Variants in PPP2R2C observed in about 807,000 individuals in gnomAD.
PPP2R2C encodes protein phosphatase 2, regulatory subunit B, gamma.
A neutral mutation model predicts 45.3 loss-of-function variants in PPP2R2C; 10 were observed. The observed-to-expected ratio is 0.22, with a 90% CI of 0.14 to 0.37. The LOEUF is 0.37. Ranked by LOEUF, PPP2R2C falls within the 10% of genes least tolerant of loss-of-function variation. The pLI is 1.00. For missense variants in PPP2R2C, 308 were observed against 619.7 expected (o/e 0.50, Z 5.34); for synonymous variants, 257 against 245.4 (o/e 1.05, Z -0.44).
intron 8 of PPP2R2C, among the ~76,000 whole-genome samples, chr4:6,327,274 G>A (rs866454191): frequency 1.3e-5 from 2 of 152,242 alleles, no homozygotes; most frequent in Non-Finnish European, 2.9e-5. Context: ...GCTGTGGAGC[G>A]AGAGACAGTG....
At chr4:6,334,846 C>T (rs1477396112) in intron 6 of PPP2R2C, among the ~76,000 whole-genome samples, 1 of 152,212 alleles carries the variant, frequency 6.6e-6, no homozygotes, top group Non-Finnish European at 1.5e-5. Flanking sequence ...GATCACAGCA[C>T]CCTGAGGCTC....
At chr4:6,373,104 T>C (rs550642394) in intron 4 of PPP2R2C, among the ~76,000 whole-genome samples, 3 of 152,322 alleles carry the variant, frequency 2.0e-5, no homozygotes, top group South Asian at 2.1e-4. Flanking sequence ...TGCCCAGACA[T>C]GGCCACATGA....
chr4:6,387,370 A>G (rs1033476448), intron 1 of PPP2R2C, among the ~76,000 whole-genome samples: 6 of 152,338 alleles, frequency 3.9e-5, no homozygotes, highest in African/African-American at 1.4e-4. Context: ...AATAAAAACA[A>G]CATATTACAT....
chr4:6,383,459 C>G (rs776081512), intron 1 of PPP2R2C: 1 of 1,284,916 alleles, frequency 7.8e-7, no homozygotes, highest in African/African-American at 1.5e-5. Flanking sequence ...CTCCAAACAC[C>G]AGGCTCCTTG....
chr4:6,406,012 G>T (rs1717774642), intron 1 of PPP2R2C, among the ~76,000 whole-genome samples: 2 of 152,132 alleles, frequency 1.3e-5, no homozygotes, highest in Admixed American at 6.5e-5. Flanking sequence ...ATAGGATCAG[G>T]ACATAAATAT....
intron 5 of PPP2R2C, among the ~76,000 whole-genome samples, chr4:6,360,151 A>C (rs1713597727): frequency 2.0e-5 from 3 of 152,164 alleles, no homozygotes; most frequent in Admixed American, 2.0e-4. Flanking sequence ...TGCCAACCCC[A>C]CCCAGGAGGA....
chr4:6,527,307 T>G (rs1378594564), intron 2 of PPP2R2C, among the ~76,000 whole-genome samples: 1 of 152,178 alleles, frequency 6.6e-6, no homozygotes, highest in Non-Finnish European at 1.5e-5. Context: ...ACAAGCTGCC[T>G]CCAGTCCTTG....
intron 5 of PPP2R2C, among the ~76,000 whole-genome samples, chr4:6,371,951 A>G (rs1468171947): frequency 6.6e-6 from 1 of 152,162 alleles, no homozygotes; most frequent in African/African-American, 2.4e-5. Context: ...TGTCATCACC[A>G]GCTCTCTTCC....
chr4:6,437,723 T>C (rs1262885421), intron 1 of PPP2R2C, among the ~76,000 whole-genome samples: 4 of 152,238 alleles, frequency 2.6e-5, no homozygotes, highest in Admixed American at 1.3e-4. Flanking sequence ...TAACTGCCTA[T>C]AGAAATGACA....
intron 1 of PPP2R2C, among the ~76,000 whole-genome samples, chr4:6,427,811 T>C (rs1190754453): frequency 6.6e-6 from 1 of 152,220 alleles, no homozygotes; most frequent in African/African-American, 2.4e-5. Flanking sequence ...TGGTGTTCTC[T>C]AACACACATG....
At chr4:6,499,654 T>C (rs1208869198) in intron 2 of PPP2R2C, among the ~76,000 whole-genome samples, 1 of 152,114 alleles carries the variant, frequency 6.6e-6, no homozygotes, top group Non-Finnish European at 1.5e-5. Flanking sequence ...ATGATTTTTT[T>C]TGTCTTTTCA....
intron 1 of PPP2R2C, among the ~76,000 whole-genome samples, chr4:6,405,949 G>T (rs777284269): frequency 6.6e-6 from 1 of 152,074 alleles, no homozygotes; most frequent in Non-Finnish European, 1.5e-5. Flanking sequence ...GGCAGCAGGG[G>T]GGTCTCTTTT....
chr4:6,411,072 T>A (rs1003213938), intron 1 of PPP2R2C, among the ~76,000 whole-genome samples: 2 of 152,002 alleles, frequency 1.3e-5, no homozygotes. Flanking sequence ...AGTTTCACCA[T>A]GTTGCCCAGG....
chr4:6,494,504 A>C (rs1722810419), intron 2 of PPP2R2C, among the ~76,000 whole-genome samples: 1 of 152,332 alleles, frequency 6.6e-6, no homozygotes, highest in East Asian at 1.9e-4. Flanking sequence ...ACACCGAAGC[A>C]CTGGTCTCCG....
intron 6 of PPP2R2C, among the ~76,000 whole-genome samples, chr4:6,338,995 A>G (rs899337821): frequency 6.6e-6 from 1 of 152,166 alleles, no homozygotes; most frequent in Non-Finnish European, 1.5e-5. Flanking sequence ...CTGCTCAATA[A>G]AACTACGGAG....
At chr4:6,361,499 T>C (rs1713725558) in intron 5 of PPP2R2C, among the ~76,000 whole-genome samples, 3 of 152,264 alleles carry the variant, frequency 2.0e-5, no homozygotes, top group Admixed American at 6.5e-5. Context: ...AATGGGTTGA[T>C]AACTTCTGCT....
intron 1 of PPP2R2C, chr4:6,414,070 CTGTGTATG>C (rs1553896123): frequency 0.02 from 23,558 of 1,195,148 alleles, 1,586 homozygotes; most frequent in African/African-American, 0.076. Flanking sequence ...TAAGTTTTGC[CTGTGTATG>C]TGTGTGTGTG....
chr4:6,490,614 A>G (rs1722672194), intron 2 of PPP2R2C, among the ~76,000 whole-genome samples: 1 of 152,140 alleles, frequency 6.6e-6, no homozygotes. Flanking sequence ...ATGGGGAAAC[A>G]TGACTGCAAA....
chr4:6,383,674 G>T, intron 1 of PPP2R2C: 3 of 561,468 alleles, frequency 5.3e-6, no homozygotes, highest in East Asian at 8.7e-5. Context: ...GACCATCCCT[G>T]CCCCAACCTA....
Sources: allele counts gnomAD v4.1 joint callset (sites outside exome capture counted in the v4.1 genomes callset), GRCh38; gene constraint gnomAD v4.1.1; transcripts MANE v1.5; gene names NCBI Gene and HGNC (gene_info 2026-07-23, HGNC 2026-07-21).